The following RAB27B variants were observed in gnomAD, a reference collection of about 807,000 sequenced individuals.
RAB27B encodes the protein RAB27B, member RAS oncogene family.
A neutral mutation model predicts 24.6 loss-of-function variants in RAB27B; 15 were observed. That is an observed-to-expected ratio of 0.61 (90% confidence interval 0.41 to 0.94). The LOEUF (loss-of-function observed/expected upper bound fraction) is 0.94, where lower values mean the gene tolerates loss of function less well. Among genes scored for constraint, RAB27B ranks in the 40% least tolerant of loss-of-function variants. RAB27B has a pLI of 0.00. For missense variants in RAB27B, 261 were observed against 266.8 expected (o/e 0.98, Z 0.15); for synonymous variants, 105 against 92.5 (o/e 1.14, Z -0.78).
At chr18:54,739,727 G>C (rs1288786020) in intron 2 of RAB27B, among the ~76,000 whole-genome samples, 1 of 151,946 alleles carries the variant, frequency 6.6e-6, no homozygotes, top group African/African-American at 2.4e-5. Flanking sequence ...AGTGATTGTT[G>C]CATTTTACTT....
At chr18:54,727,309 G>A (rs1909569450) in intron 2 of RAB27B, among the ~76,000 whole-genome samples, 1 of 152,098 alleles carries the variant, frequency 6.6e-6, no homozygotes, top group African/African-American at 2.4e-5. Context: ...AAATCTGAAT[G>A]TGTTAAATAC....
At chr18:54,730,124 ATTGTGT>A (rs1555651069) in intron 2 of RAB27B, among the ~76,000 whole-genome samples, 2 of 152,196 alleles carry the variant, frequency 1.3e-5, no homozygotes, top group Non-Finnish European at 2.9e-5. Flanking sequence ...CTAATTGTAC[ATTGTGT>A]TTGGGTAAAC....
At chr18:54,732,609 C>A (rs1314893173) in intron 2 of RAB27B, among the ~76,000 whole-genome samples, 2 of 152,048 alleles carry the variant, frequency 1.3e-5, no homozygotes, top group Non-Finnish European at 2.9e-5. Context: ...ATATAATCAA[C>A]ATGTGTAAAA....
In RAB27B at chr18:54,734,280, G is replaced by A. The variant is rs539114343; in HGVS notation, c.-20+16139G>A. On this transcript the variant is annotated intron_variant, in intron 2 of 4. Coordinates refer to the RAB27B transcript ENST00000586570. ...TGATGACTCACTCCACTGTAGAGTC[G>A]GAGAGTTGTCTAAGCCATGAGAATT... 5.3e-5 allele frequency among the ~76,000 whole-genome samples: 8 copies of A among 152,204 alleles called. No homozygotes were observed. The East Asian group carries it at 1.4e-3, about 26-fold the overall frequency.
At chr18:54,766,768 A>G (rs1701158548) in intron 2 of RAB27B, among the ~76,000 whole-genome samples, 1 of 152,182 alleles carries the variant, frequency 6.6e-6, no homozygotes, top group Admixed American at 6.5e-5. Context: ...TTCCCCAGAG[A>G]TAATGAACTC....
chr18:54,845,673 C>T (rs1160593819), intron 1 of RAB27B, among the ~76,000 whole-genome samples: 1 of 152,106 alleles, frequency 6.6e-6, no homozygotes, highest in Non-Finnish European at 1.5e-5. Context: ...CATATTGCTA[C>T]AAGGTTATCC....
chr18:54,763,772 C>A (rs577301378), intron 2 of RAB27B, among the ~76,000 whole-genome samples: 2 of 152,142 alleles, frequency 1.3e-5, no homozygotes, highest in African/African-American at 4.8e-5. Context: ...CTGGGCACAT[C>A]CATTTTAAGT....
intron 2 of RAB27B, among the ~76,000 whole-genome samples, chr18:54,817,753 G>A (rs573825317): frequency 1.3e-5 from 2 of 151,846 alleles, no homozygotes; most frequent in Admixed American, 1.3e-4. Context: ...GAACCTAGAG[G>A]AGATCTCATA....
At chr18:54,831,757 C>T (rs935808367) in intron 1 of RAB27B, among the ~76,000 whole-genome samples, 2 of 151,600 alleles carry the variant, frequency 1.3e-5, no homozygotes, top group Non-Finnish European at 2.9e-5. Flanking sequence ...CAAGAAAAGC[C>T]TCAGGGGAGG....
At chr18:54,881,592 T>C (rs1912926698) in intron 3 of RAB27B, among the ~76,000 whole-genome samples, 1 of 152,144 alleles carries the variant, frequency 6.6e-6, no homozygotes, top group South Asian at 2.1e-4. Flanking sequence ...TCCTGCAAAC[T>C]CAATTTCTGT....
intron 1 of RAB27B, among the ~76,000 whole-genome samples, chr18:54,854,020 T>C (rs1911686738): frequency 1.3e-5 from 2 of 152,166 alleles, no homozygotes; most frequent in African/African-American, 4.8e-5. Flanking sequence ...CTGCATCTTG[T>C]TTCAACACAT....
At chr18:54,744,092 CA>C (rs775831275) in intron 2 of RAB27B, among the ~76,000 whole-genome samples, 2 of 152,118 alleles carry the variant, frequency 1.3e-5, no homozygotes, top group Non-Finnish European at 1.5e-5. Context: ...TTAAAATCAA[CA>C]GTGAATAAAT....
intron 1 of RAB27B, among the ~76,000 whole-genome samples, chr18:54,841,613 A>G (rs574668202): frequency 6.6e-6 from 1 of 152,300 alleles, no homozygotes; most frequent in East Asian, 1.9e-4. Context: ...GCATTTTTCC[A>G]TCGAGAATGG....
rs1909908788 is a variant in RAB27B, at chr18:54,736,749, G to A, written c.-20+18608G>A. On this transcript the variant is annotated intron_variant, in intron 2 of 4. Coordinates refer to the RAB27B transcript ENST00000586570. ...GCTAAGGGGGGTTTTGGAGGGAATT[G>A]AGTGAGGAATTTCAGGAAGGAGATA... 2.0e-5 allele frequency among the ~76,000 whole-genome samples: 3 copies of A among 152,088 alleles called. No homozygotes were observed. In the South Asian group the frequency reaches 6.2e-4, roughly 32 times the overall value.
chr18:54,877,882 T>C, intron 2 of RAB27B, 144 bp downstream of exon 2: 3 of 889,494 alleles, frequency 3.4e-6, no homozygotes, highest in Non-Finnish European at 4.8e-6. Flanking sequence ...TAGAATATTA[T>C]TTACTACTTT....
At chr18:54,785,185 T>G (rs1909043460) in intron 2 of RAB27B, among the ~76,000 whole-genome samples, 1 of 152,108 alleles carries the variant, frequency 6.6e-6, no homozygotes, top group African/African-American at 2.4e-5. Context: ...CACTGCAACC[T>G]TCGCCTCCCA....
At chr18:54,873,281 C>T (rs1253316215) in intron 1 of RAB27B, among the ~76,000 whole-genome samples, 1 of 152,084 alleles carries the variant, frequency 6.6e-6, no homozygotes, top group Non-Finnish European at 1.5e-5. Flanking sequence ...AGTTCTTTTC[C>T]CTACTCTTTT....
chr18:54,769,373 T>C (rs543486610), intron 2 of RAB27B, among the ~76,000 whole-genome samples: 6 of 152,156 alleles, frequency 3.9e-5, no homozygotes, highest in Non-Finnish European at 8.8e-5. Flanking sequence ...CATAAGAACA[T>C]CTTTTTTAAA....
chr18:54,872,370 A>T (rs1360432821), intron 1 of RAB27B, among the ~76,000 whole-genome samples: 1 of 152,176 alleles, frequency 6.6e-6, no homozygotes, highest in East Asian at 1.9e-4. Flanking sequence ...TCATGCCTGT[A>T]ATCCCAGCAC....
Sources: allele counts gnomAD v4.1 joint callset (sites outside exome capture counted in the v4.1 genomes callset), GRCh38; gene constraint gnomAD v4.1.1; transcripts MANE v1.5; gene names NCBI Gene and HGNC (gene_info 2026-07-23, HGNC 2026-07-21).